The following STAB2 variants were observed in gnomAD, a reference collection of about 807,000 sequenced individuals.
STAB2 encodes the protein stabilin 2.
In STAB2, 288 loss-of-function variants were observed where a neutral mutation model predicts 338.1. The ratio of observed to expected loss-of-function variants is 0.85; its 90% confidence interval spans 0.77 to 0.94. The LOEUF is 0.94. STAB2 is among the 40% of genes least tolerant of loss of function. The pLI, the probability that STAB2 is intolerant of heterozygous loss-of-function variation, is 0.00. For missense variants in STAB2, 3,141 were observed against 3,210.1 expected, an observed-to-expected ratio of 0.98 and a Z score of 0.52; for synonymous variants, 1,202 against 1,193.3, an observed-to-expected ratio of 1.01 and a Z score of -0.15.
chr12:103,761,398 C>T lies in STAB2; in HGVS notation c.7347C>T (p.Pro2449=). The T allele has an allele frequency of 6.2e-7, 1 of 1,613,596 alleles. No homozygotes were observed. Among genetic ancestry groups the T allele is most frequent in the Non-Finnish European group, 8.5e-7 (1 of 1,179,954 alleles). The change falls in exon 66 of 69, where the codon CCC becomes CCT. Residue 2449 remains proline (P), a synonymous_variant. Coordinates refer to ENST00000388887, the MANE Select transcript of STAB2 (RefSeq NM_017564.10). ...IHVISRPLKA[P]PAPVTLTHTG... ...TCATTTCCAGGCCTTTAAAAGCACCCCCTGCCCCCGTGGTGAGTATCTAGG... is the reference window on the plus strand; with the variant it reads ...TCATTTCCAGGCCTTTAAAAGCACCTCCTGCCCCCGTGGTGAGTATCTAGG...
chr12:103,693,006 G>A lies in STAB2; in HGVS notation c.3375+117G>A, dbSNP rs75167309. 3,262 of 662,402 alleles carry A rather than the reference G, an allele frequency of 4.9e-3. 92 individuals are homozygous for A. In the African/African-American group the frequency reaches 0.055, roughly 11 times the overall value. The allele number at this position is 662,402 out of a possible 1,614,324, so 41.0% of individuals were successfully genotyped here. ...TACTTAGCCTTATATGGAAGTAACC[G>A]GTACTGTGCCTCATGACTTTTATTT... is the stretch of plus-strand genomic sequence containing the variant. On this transcript the variant is annotated intron_variant, in intron 31 of 68. Transcript: ENST00000388887.
In STAB2 at chr12:103,690,417, G is replaced by C. The variant is rs370708633; in HGVS notation, c.3183-7G>C. 1 of 1,608,064 alleles carries C rather than the reference G, an allele frequency of 6.2e-7. No homozygotes were observed. On this transcript the variant is annotated splice_polypyrimidine_tract_variant and splice_region_variant and intron_variant, in intron 29 of 68. Transcript: ENST00000388887. ...TGAATTATAGCCTTTGTGGACTATTGTTTCAGGTACCATATGCTACTAGGC... is the reference window on the plus strand; with the variant it reads ...TGAATTATAGCCTTTGTGGACTATTCTTTCAGGTACCATATGCTACTAGGC...
chr12:103,612,690 A>C (rs1245133206), intron 3 of STAB2, among the ~76,000 whole-genome samples: 1 of 152,192 alleles, frequency 6.6e-6, no homozygotes, highest in African/African-American at 2.4e-5. Context: ...TCAACTCGTC[A>C]AAGTCATTCT....
chr12:103,685,094 C>A lies in STAB2; in HGVS notation c.2997+10C>A, dbSNP rs767993796. 1 of 1,611,668 alleles carries A rather than the reference C, an allele frequency of 6.2e-7. No individual in the cohort carries two copies. Among genetic ancestry groups the A allele is most frequent in the Non-Finnish European group, 8.5e-7 (1 of 1,178,018 alleles). On this transcript the variant is annotated intron_variant, in intron 27 of 68. Transcript: ENST00000388887. ...TGGAAACGCAGCAGTGGTAAGTCATCGATGATGAACTCAATAATATAGACA... is the reference window on the plus strand; with the variant it reads ...TGGAAACGCAGCAGTGGTAAGTCATAGATGATGAACTCAATAATATAGACA...
chr12:103,745,874 T>A (rs1316459940), intron 57 of STAB2, among the ~76,000 whole-genome samples: 1 of 152,214 alleles, frequency 6.6e-6, no homozygotes, highest in African/African-American at 2.4e-5. Context: ...ATCATTGCCA[T>A]AGCTCGATCC....
intron 47 of STAB2, among the ~76,000 whole-genome samples, chr12:103,728,016 C>T (rs1881347166): frequency 6.6e-6 from 1 of 152,066 alleles, no homozygotes; most frequent in African/African-American, 2.4e-5. Flanking sequence ...GTATTTTGGA[C>T]ACCAGCAAAG....
chr12:103,670,615 T>C, intron 21 of STAB2, 81 bp from the exon 22 acceptor site: 1 of 1,100,418 alleles, frequency 9.1e-7, no homozygotes, highest in Non-Finnish European at 1.4e-6. Flanking sequence ...TTAATCTGAA[T>C]TCAAAGAAGT....
intron 3 of STAB2, among the ~76,000 whole-genome samples, chr12:103,618,587 T>C (rs562605348): frequency 2.7e-4 from 41 of 152,256 alleles, no homozygotes; most frequent in African/African-American, 9.1e-4. Flanking sequence ...AAAGGTCTTA[T>C]GTGATGGGGA....
Position 103,712,450 on chromosome 12 carries a change from G to T in STAB2, c.4411+7G>T. 2 of 1,611,206 alleles carry T rather than the reference G, an allele frequency of 1.2e-6. No homozygotes were observed. The highest frequency in any genetic ancestry group is 1.7e-6 in the Non-Finnish European group (2 of 1,177,672). ...AACGGGACCATCTGCACAGGCAAGC[G>T]AAGGAAGGAATTTGCTGGGGGGGCT... On this transcript the variant is annotated splice_region_variant and intron_variant, in intron 41 of 68. Transcript: ENST00000388887.
Position 103,750,570 on chromosome 12 carries a change from C to T in STAB2, c.6439-9C>T, listed in dbSNP as rs1196768626. The T allele has an allele frequency of 6.2e-7, 1 of 1,613,578 alleles. No homozygotes were observed. Among genetic ancestry groups the T allele is most frequent in the Admixed American group, 1.7e-5 (1 of 60,004 alleles). Reference sequence around the variant, plus strand: ...AACTTTTTCATCTCTTCCCACTCTCCCTCCACAGGGCAAGCACAAGTGTGA... The same window carrying T: ...AACTTTTTCATCTCTTCCCACTCTCTCTCCACAGGGCAAGCACAAGTGTGA... On this transcript the variant is annotated splice_polypyrimidine_tract_variant and intron_variant, in intron 59 of 68. Transcript: ENST00000388887.
rs769679159 is a variant in STAB2, at chr12:103,730,105, G to T, written c.5083-11G>T. 2.3e-5 allele frequency: 35 copies of T among 1,552,288 alleles called. No individual in the cohort carries two copies. Among genetic ancestry groups the T allele is most frequent in the Admixed American group, 2.1e-4 (10 of 48,446 alleles). On this transcript the variant is annotated splice_polypyrimidine_tract_variant and intron_variant, in intron 48 of 68. Transcript: ENST00000388887. The stretch of plus-strand genomic sequence containing the variant: ...TGCACTCATTTCTTTTTTGTTTTTG[G>T]TTGATTTCAGAGCACGGTGTATATA...
chr12:103,669,012 A>G (rs933009494), intron 20 of STAB2, among the ~76,000 whole-genome samples: 1 of 151,854 alleles, frequency 6.6e-6, no homozygotes, highest in African/African-American at 2.4e-5. Flanking sequence ...TGTCACCCCC[A>G]TTCCTACCTC....
intron 4 of STAB2, among the ~76,000 whole-genome samples, chr12:103,620,821 G>A (rs1245749099): frequency 1.3e-5 from 2 of 152,192 alleles, no homozygotes; most frequent in Non-Finnish European, 1.5e-5. Context: ...TTTGAGGCTG[G>A]GAGCAGTGGC....
At chr12:103,590,768 C>T in intron 1 of STAB2, 129 bp from the exon 2 acceptor site, 1 of 1,117,110 alleles carries the variant, frequency 9.0e-7, no homozygotes, top group Admixed American at 2.0e-5. Flanking sequence ...TACCAATCAA[C>T]CTTATCACCA....
chr12:103,720,152 GCTATTACCACTAGAA>G (rs1880646323), intron 44 of STAB2, among the ~76,000 whole-genome samples: 2 of 152,182 alleles, frequency 1.3e-5, no homozygotes, highest in Admixed American at 1.3e-4. Context: ...GAGATGTGAA[GCTATTACCACTAGAA>G]CTATGGCCAG....
chr12:103,669,030 G>C (rs371000998), intron 20 of STAB2, among the ~76,000 whole-genome samples: 1 of 152,096 alleles, frequency 6.6e-6, no homozygotes, highest in African/African-American at 2.4e-5. Flanking sequence ...CTCAGAGCAT[G>C]CACACTTGCC....
chr12:103,681,557 T>G (rs1355319333), intron 25 of STAB2, among the ~76,000 whole-genome samples: 2 of 151,790 alleles, frequency 1.3e-5, no homozygotes, highest in East Asian at 3.9e-4. Flanking sequence ...GATCTCTGCC[T>G]TCACGTTCAG....
intron 54 of STAB2, 73 bp downstream of exon 54, chr12:103,739,541 G>A: frequency 2.1e-6 from 1 of 465,960 alleles, no homozygotes. Context: ...GTGTGTGTGT[G>A]TGTGTGTGTG....
chr12:103,745,300 T>C, intron 57 of STAB2, 23 bp downstream of exon 57: 1 of 1,606,906 alleles, frequency 6.2e-7, no homozygotes, highest in Non-Finnish European at 8.5e-7. Flanking sequence ...AGTGGTCAGC[T>C]GCTGGCAGCC....
Sources: allele counts gnomAD v4.1 joint callset (sites outside exome capture counted in the v4.1 genomes callset), GRCh38; gene constraint gnomAD v4.1.1; transcripts MANE v1.5; gene names NCBI Gene and HGNC (gene_info 2026-07-23, HGNC 2026-07-21).